The following DCAF1 variants were observed in gnomAD, a reference collection of about 807,000 sequenced individuals.
The protein encoded by DCAF1 is DDB1- and CUL4-associated factor 1.
In DCAF1, 15 loss-of-function variants were observed where a neutral mutation model predicts 128.0. The observed-to-expected ratio is 0.12, with a 90% CI of 0.08 to 0.18. DCAF1 has a LOEUF of 0.18. Ranked by LOEUF, DCAF1 falls within the 10% of genes least tolerant of loss-of-function variation. The pLI, the probability that DCAF1 is intolerant of heterozygous loss-of-function variation, is 1.00. For synonymous variants in DCAF1, 610 were observed against 603.0 expected (o/e 1.01, Z -0.17); for missense variants, 988 against 1,649.5 (o/e 0.60, Z 6.95).
intron 14 of DCAF1, 53 bp from the exon 15 acceptor site, chr3:51,421,050 C>T (rs555520709): frequency 1.2e-5 from 19 of 1,537,600 alleles, no homozygotes; most frequent in Non-Finnish European, 1.7e-5. Context: ...TGGCCAACTT[C>T]AATAGTTGTT....
intron 23 of DCAF1, among the ~76,000 whole-genome samples, chr3:51,403,962 A>C (rs1452855221): frequency 1.3e-5 from 2 of 152,210 alleles, no homozygotes; most frequent in Non-Finnish European, 2.9e-5. Context: ...ACAGAAACCC[A>C]TATTTCCTGT....
chr3:51,488,543 G>A (rs1339059138), intron 2 of DCAF1, among the ~76,000 whole-genome samples: 1 of 152,094 alleles, frequency 6.6e-6, no homozygotes, highest in Non-Finnish European at 1.5e-5. Context: ...CTGGCACGGT[G>A]GCTCACGCCA....
intron 2 of DCAF1, among the ~76,000 whole-genome samples, chr3:51,495,535 G>A (rs1559588541): frequency 6.6e-6 from 1 of 151,490 alleles, no homozygotes; most frequent in Non-Finnish European, 1.5e-5. Context: ...ACTAAATAAA[G>A]GAAAATATAA....
At position 51,431,347 on chromosome 3, in the gene DCAF1, G is replaced by T. The variant is rs1049111287; in HGVS notation, c.1288-1135C>A. 3.4e-5 allele frequency among the ~76,000 whole-genome samples: 5 copies of T among 148,052 alleles called. No individual in the cohort carries two copies. The East Asian group carries it at 1.0e-3, about 30-fold the overall frequency. On this transcript the variant is annotated intron_variant, in intron 10 of 24. Transcript: ENST00000684031. ...AGCCTAGCCAACATGGTAAAACCCCGTCTCTACTGAAAAAAAAAAAAAATT... is the reference window on the plus strand; with the variant it reads ...AGCCTAGCCAACATGGTAAAACCCCTTCTCTACTGAAAAAAAAAAAAAATT...
At chr3:51,432,204 G>A (rs1181512025) in intron 10 of DCAF1, among the ~76,000 whole-genome samples, 1 of 147,170 alleles carries the variant, frequency 6.8e-6, no homozygotes, top group African/African-American at 2.5e-5. Context: ...CTGGGAGTTG[G>A]AGGCTGCAGT....
intron 2 of DCAF1, among the ~76,000 whole-genome samples, chr3:51,493,324 A>G (rs1553659067): frequency 6.6e-6 from 1 of 152,112 alleles, no homozygotes; most frequent in East Asian, 1.9e-4. Context: ...ACATGCCTGT[A>G]ATCCTAGCTA....
chr3:51,465,803 C>T (rs1401300026), intron 5 of DCAF1, among the ~76,000 whole-genome samples: 1 of 152,186 alleles, frequency 6.6e-6, no homozygotes, highest in Admixed American at 6.6e-5. Flanking sequence ...ACTGGGCCTT[C>T]ATCGTGTGCC....
chr3:51,410,009 C>G (rs1464787590), intron 23 of DCAF1, among the ~76,000 whole-genome samples: 1 of 152,230 alleles, frequency 6.6e-6, no homozygotes, highest in Non-Finnish European at 1.5e-5. Context: ...TCTCATAACT[C>G]ACATGAGCTT....
At chr3:51,454,303 C>A (rs1027985570) in intron 6 of DCAF1, among the ~76,000 whole-genome samples, 4 of 152,170 alleles carry the variant, frequency 2.6e-5, no homozygotes. Context: ...CCTGCCTTAG[C>A]CTCACAAACT....
At chr3:51,488,315 T>C (rs1351222841) in intron 2 of DCAF1, among the ~76,000 whole-genome samples, 1 of 152,240 alleles carries the variant, frequency 6.6e-6, no homozygotes, top group Non-Finnish European at 1.5e-5. Flanking sequence ...AGCTACAGCC[T>C]GATGTCCTTT....
At position 51,441,066 on chromosome 3, in the gene DCAF1, A is replaced by G; in HGVS notation, c.1032T>C (p.Leu344=). 6.2e-7 allele frequency: 1 copy of G among 1,609,356 alleles called. No homozygotes were observed. Among genetic ancestry groups the G allele is most frequent in the African/African-American group, 1.3e-5 (1 of 75,014 alleles). Residue 344 remains leucine (L), a synonymous_variant, in exon 9 of 25, where the codon CTT becomes CTC. Coordinates refer to ENST00000684031, the MANE Select transcript of DCAF1 (RefSeq NM_001387579.1). Reference sequence around the variant, plus strand: ...GTGATCCAAGTTGCATGAATATGGGAAGTAGCTGAAATGAACACCAAATAC... The same window carrying G: ...GTGATCCAAGTTGCATGAATATGGGGAGTAGCTGAAATGAACACCAAATAC... The part of the protein sequence containing the change: ...LTPLGEYQEL[L]PIFMQLGSRE...
intron 11 of DCAF1, 93 bp downstream of exon 11, chr3:51,429,935 AATCAG>A: frequency 1.5e-6 from 1 of 666,682 alleles, no homozygotes. Flanking sequence ...AAACTCCTCT[AATCAG>A]AAGCTTCCTT....
chr3:51,460,641 C>T (rs202197435), intron 6 of DCAF1, among the ~76,000 whole-genome samples: 10,646 of 151,374 alleles, frequency 0.07, 678 homozygotes, highest in East Asian at 0.31. Context: ...GGAGGCATCA[C>T]GCTACCTGAC....
intron 23 of DCAF1, among the ~76,000 whole-genome samples, chr3:51,405,635 T>C (rs1264079321): frequency 6.6e-6 from 1 of 152,186 alleles, no homozygotes. Context: ...CACATGGACA[T>C]AGCCATAAAC....
At chr3:51,449,398 G>C (rs1559525618) in intron 6 of DCAF1, among the ~76,000 whole-genome samples, 1 of 152,092 alleles carries the variant, frequency 6.6e-6, no homozygotes, top group Non-Finnish European at 1.5e-5. Context: ...GTAGAGATGG[G>C]GTTTCACCAT....
At chr3:51,477,341 A>G (rs1165678985) in intron 3 of DCAF1, among the ~76,000 whole-genome samples, 1 of 151,942 alleles carries the variant, frequency 6.6e-6, no homozygotes, top group East Asian at 1.9e-4. Flanking sequence ...AAAAAACCCT[A>G]GAACTATTTT....
In DCAF1 at chr3:51,420,942, T is replaced by A. The variant is rs782265347; in HGVS notation, c.2028A>T (p.Glu676Asp). The part of the protein sequence containing the change: ...AEGEFFIHDA[E>D]IQKSALQIII... ...TAATCTGAAGTGCTGACTTCTGAAT[T>A]TCAGCATCATGGATGAAGAACTCAC... is the stretch of plus-strand genomic sequence containing the variant. The change falls in exon 15 of 25, where the codon GAA becomes GAT. Residue 676 changes from glutamate (E) to aspartate (D), a missense_variant. Physicochemically the swap from Glu to Asp is conservative, Grantham distance 45 (BLOSUM62 2). Around this residue, in one of 11 missense-constraint regions of DCAF1, gnomAD observed 185 missense variants for 248.1 expected, o/e 0.75. Coordinates refer to ENST00000684031, the MANE Select transcript of DCAF1 (RefSeq NM_001387579.1). The surrounding 1 kb of genome is among the most constrained non-coding windows in gnomAD (Gnocchi z 6.5). 2 of 1,613,988 alleles carry A rather than the reference T, an allele frequency of 1.2e-6. No homozygotes were observed. Among genetic ancestry groups the A allele is most frequent in the Admixed American group, 1.7e-5 (1 of 60,020 alleles).
At position 51,429,450 on chromosome 3, in the gene DCAF1, T is replaced by A; in HGVS notation, c.1488A>T (p.Leu496=). The change falls in exon 12 of 25, where the codon CTA becomes CTT. Residue 496 remains leucine, a synonymous_variant. Coordinates refer to ENST00000684031, the MANE Select transcript of DCAF1 (RefSeq NM_001387579.1). Reference sequence around the variant, plus strand: ...GAAGTGCACCCTGATCTTCCAAATTTAGAATCTCCAAAGTACTGATCTATT... The same window carrying A: ...GAAGTGCACCCTGATCTTCCAAATTAAGAATCTCCAAAGTACTGATCTATT... ...LVNLISTLEI[L]NLEDQGALLS... The A allele has an allele frequency of 1.3e-6, 1 of 780,876 alleles. No individual in the cohort carries two copies. The highest frequency in any genetic ancestry group is 2.4e-6 in the Non-Finnish European group (1 of 417,996). 48.4% of individuals were successfully genotyped at this position (780,876 alleles called of 1,614,324 possible).
intron 2 of DCAF1, among the ~76,000 whole-genome samples, chr3:51,490,675 AG>A (rs1234251324): frequency 3.3e-5 from 5 of 152,178 alleles, no homozygotes; most frequent in African/African-American, 1.2e-4. Flanking sequence ...CTGTAATCCC[AG>A]CACTTTGGGA....
Sources: gnomAD v4.1 joint callset for allele counts (sites outside exome capture counted in the v4.1 genomes callset) on GRCh38, gnomAD v4.1.1 for gene constraint, gnomAD v4.1.1 regional missense constraint, Gnocchi (gnomAD v3.1) non-coding constraint, MANE v1.5 for transcripts, NCBI Gene and HGNC (gene_info 2026-07-23, HGNC 2026-07-21) for gene names.